Variants in GLIS1 observed in about 807,000 individuals in gnomAD.
GLIS1 encodes GLIS family zinc finger 1.
GLIS1 carries 24 observed loss-of-function variants against 63.8 expected under a neutral mutation model. That is an observed-to-expected ratio of 0.38 (90% CI 0.27 to 0.53). The LOEUF (loss-of-function observed/expected upper bound fraction) is 0.53. GLIS1 is among the 20% of genes least tolerant of loss of function. The pLI is 0.85. For synonymous variants in GLIS1, 450 were observed against 482.5 expected (o/e 0.93, Z 0.88); for missense variants, 1,036 against 1,074.1 (o/e 0.96, Z 0.50).
intron 2 of GLIS1, among the ~76,000 whole-genome samples, chr1:53,678,786 G>A (rs75381814): frequency 0.04 from 6,024 of 152,266 alleles, 137 homozygotes; most frequent in South Asian, 0.1. Context: ...CTGGGGAAGG[G>A]GGAAAGGTCT....
intron 4 of GLIS1, among the ~76,000 whole-genome samples, chr1:53,572,681 A>G (rs952145865): frequency 1.3e-5 from 2 of 152,260 alleles, no homozygotes; most frequent in African/African-American, 4.8e-5. Context: ...CCCAGTGCTG[A>G]GAGCTCTCAG....
chr1:53,672,885 G>A (rs765460100), intron 2 of GLIS1, among the ~76,000 whole-genome samples: 1 of 152,200 alleles, frequency 6.6e-6, no homozygotes, highest in Non-Finnish European at 1.5e-5. Context: ...AGAGCGCCCT[G>A]GAGCTGCTGT....
In GLIS1 at chr1:53,511,282, G is replaced by A. The variant is rs777002810; in HGVS notation, c.1884-1255C>T. Among the ~76,000 whole-genome samples the A allele has an allele frequency of 4.7e-4, 71 of 152,296 alleles. No individual in the cohort carries two copies. Among genetic ancestry groups the A allele is most frequent in the Non-Finnish European group, 8.2e-4 (56 of 68,018 alleles). On this transcript the variant is annotated intron_variant, in intron 8 of 10. Transcript: ENST00000628545. The surrounding 1 kb of genome is among the most constrained non-coding windows in gnomAD (Gnocchi z 4.2). ...CAATGTCACAGCTCCAGGTGACCTC[G>A]TGACCCTTGCCCACCCTCTGAGACA...
Position 53,677,620 on chromosome 1 carries a change from G to A in GLIS1, c.259+60186C>T, listed in dbSNP as rs182403173. Among the ~76,000 whole-genome samples the A allele has an allele frequency of 2.0e-5, 3 of 152,382 alleles. No individual in the cohort carries two copies. In the East Asian group the frequency reaches 5.8e-4, roughly 29 times the overall value. ...ATCTGGCGATGTACAAATAAATTGA[G>A]GGGCCTCTGCAGGCCCAGACCAGAC... On this transcript the variant is annotated intron_variant, in intron 2 of 10. Transcript: ENST00000628545.
In GLIS1 at chr1:53,509,240, C is replaced by T. The variant is rs201181155; in HGVS notation, c.2110G>A (p.Asp704Asn). 7.6e-5 allele frequency: 121 copies of T among 1,595,620 alleles called. No individual in the cohort carries two copies. In the East Asian group the frequency reaches 2.4e-3, roughly 32 times the overall value. Residue 704 changes from aspartate (D) to asparagine (N), a missense_variant, in exon 10 of 11, where the codon GAC becomes AAC. By Grantham distance (23) the Asp-to-Asn change is conservative. Coordinates refer to ENST00000628545, the MANE Select transcript of GLIS1 (RefSeq NM_001367484.1). ...GCTGGTTCAGCCATCCGGTAGCAGT[C>T]GCCATAGGGGAAGCAACTCTGGATG... ...HSIQSCFPYGDCYRMAEPAAG... is the reference protein window; with the variant it reads ...HSIQSCFPYGNCYRMAEPAAG...
intron 2 of GLIS1, among the ~76,000 whole-genome samples, chr1:53,734,999 C>T (rs1191965858): frequency 6.6e-6 from 1 of 152,164 alleles, no homozygotes; most frequent in Non-Finnish European, 1.5e-5. Context: ...CAGTGCCTCC[C>T]GATTCCAGAT....
Position 53,524,791 on chromosome 1 carries a change from G to T in GLIS1, c.1579C>A (p.Gln527Lys), listed in dbSNP as rs1644447828. ...HVKAHSAKEQ[Q>K]VRKKLHAGPD... ...GGCTGGCTTACCTTCTTACGCACCTGCTGCTCTTTGGCTGAATGGGCCTTG... is the reference window on the plus strand; with the variant it reads ...GGCTGGCTTACCTTCTTACGCACCTTCTGCTCTTTGGCTGAATGGGCCTTG... The change falls in exon 6 of 11, where the codon CAG (glutamine) becomes AAG (lysine). Residue 527 changes from glutamine to lysine, a missense_variant. By Grantham distance (53) the Gln-to-Lys change is moderately conservative. Coordinates refer to ENST00000628545, the MANE Select transcript of GLIS1 (RefSeq NM_001367484.1). The T allele has an allele frequency of 1.2e-6, 2 of 1,613,230 alleles. No homozygotes were observed. The highest frequency in any genetic ancestry group is 1.7e-6 in the Non-Finnish European group (2 of 1,179,678).
Position 53,594,658 on chromosome 1 carries a change from G to C in GLIS1, c.770C>G (p.Ala257Gly). The change falls in exon 4 of 11, where the codon GCC (alanine) becomes GGC (glycine). Residue 257 changes from alanine to glycine, a missense_variant. Coordinates refer to ENST00000628545, the MANE Select transcript of GLIS1 (RefSeq NM_001367484.1). Reference protein sequence around the residue: ...PTSPASSSPCASSDVTSIIRS... With the variant: ...PTSPASSSPCGSSDVTSIIRS... ...GATGATGGAGGTGACGTCGGAGGAG[G>C]CACAGGGTGAGGAGGAGGCTGGGGA... 1 of 1,556,900 alleles carries C rather than the reference G, an allele frequency of 6.4e-7. No individual in the cohort carries two copies.
At chr1:53,725,792 T>C (rs1204930512) in intron 2 of GLIS1, among the ~76,000 whole-genome samples, 1 of 152,182 alleles carries the variant, frequency 6.6e-6, no homozygotes, top group African/African-American at 2.4e-5. Flanking sequence ...CCCCTAACAA[T>C]TGGCCAGACA....
chr1:53,581,474 C>T (rs3006883), intron 4 of GLIS1, among the ~76,000 whole-genome samples: 146,145 of 152,296 alleles, frequency 0.96, 70,409 homozygotes, highest in South Asian at 1. Flanking sequence ...ACATATTGTG[C>T]ATCGGGAACT....
chr1:53,736,499 G>A (rs1200807187), intron 2 of GLIS1, among the ~76,000 whole-genome samples: 1 of 152,148 alleles, frequency 6.6e-6, no homozygotes, highest in Non-Finnish European at 1.5e-5. Context: ...GGAGCTCCCG[G>A]CAGCAAACAT....
intron 2 of GLIS1, among the ~76,000 whole-genome samples, chr1:53,607,964 T>C (rs1645388713): frequency 6.7e-6 from 1 of 149,854 alleles, no homozygotes; most frequent in Non-Finnish European, 1.5e-5. Context: ...CTCTCTTTTT[T>C]TTTTTTTTTT....
At chr1:53,690,796 T>G (rs953951725) in intron 2 of GLIS1, among the ~76,000 whole-genome samples, 1 of 152,276 alleles carries the variant, frequency 6.6e-6, no homozygotes, top group East Asian at 1.9e-4. Context: ...GATGTCGATG[T>G]GAGAACTGTC....
chr1:53,694,885 C>T (rs12044337), intron 2 of GLIS1, among the ~76,000 whole-genome samples: 38,363 of 152,022 alleles, frequency 0.25, 5,214 homozygotes, highest in African/African-American at 0.36. Context: ...TCGGCGGCTC[C>T]GATCGTGCCT....
intron 2 of GLIS1, among the ~76,000 whole-genome samples, chr1:53,730,171 G>A (rs1646845861): frequency 6.6e-6 from 1 of 152,112 alleles, no homozygotes; most frequent in Admixed American, 6.6e-5. Context: ...GTCTTGGGAT[G>A]GGCCCAGTGA....
At chr1:53,682,288 A>C (rs1333695608) in intron 2 of GLIS1, among the ~76,000 whole-genome samples, 1 of 152,240 alleles carries the variant, frequency 6.6e-6, no homozygotes, top group East Asian at 1.9e-4. Context: ...CACAGCTGAC[A>C]CCTGGTGGCA....
chr1:53,644,544 T>TGG (rs1645821689), intron 2 of GLIS1, among the ~76,000 whole-genome samples: 1 of 152,040 alleles, frequency 6.6e-6, no homozygotes, highest in Non-Finnish European at 1.5e-5. Flanking sequence ...CCTATTAGAA[T>TGG]GGGAAGAGTT....
At chr1:53,517,468 C>T (rs889731100) in intron 7 of GLIS1, among the ~76,000 whole-genome samples, 3 of 152,200 alleles carry the variant, frequency 2.0e-5, no homozygotes, top group African/African-American at 4.8e-5. Context: ...AGCACCTCTT[C>T]GCCTGCCATC....
intron 4 of GLIS1, among the ~76,000 whole-genome samples, chr1:53,581,340 C>A (rs1645082762): frequency 6.6e-6 from 1 of 152,128 alleles, no homozygotes; most frequent in South Asian, 2.1e-4. Flanking sequence ...GCTGCAAAAC[C>A]CCCCACTTCA....
Sources: allele counts gnomAD v4.1 joint callset (sites outside exome capture counted in the v4.1 genomes callset), GRCh38; gene constraint gnomAD v4.1.1; non-coding constraint Gnocchi (gnomAD v3.1); transcripts MANE v1.5; gene names NCBI Gene and HGNC (gene_info 2026-07-23, HGNC 2026-07-21).